The following CACNA2D3 variants were observed in gnomAD, a reference collection of about 807,000 sequenced individuals.
The protein encoded by CACNA2D3 is voltage-dependent calcium channel subunit alpha-2/delta-3.
CACNA2D3 carries 60 observed loss-of-function variants against 160.6 expected under a neutral mutation model. That is an observed-to-expected ratio of 0.37 (90% CI 0.30 to 0.46). The LOEUF (loss-of-function observed/expected upper bound fraction) is 0.46. Among genes scored for constraint, CACNA2D3 ranks in the 20% least tolerant of loss-of-function variants. The pLI, the probability that CACNA2D3 is intolerant of heterozygous loss-of-function variation, is 1.00. For missense variants in CACNA2D3, 1,205 were observed against 1,365.0 expected (o/e 0.88, Z 1.85); for synonymous variants, 558 against 492.9 (o/e 1.13, Z -1.75).
At chr3:54,599,668 C>A (rs537347211) in intron 9 of CACNA2D3, among the ~76,000 whole-genome samples, 109 of 152,298 alleles carry the variant, frequency 7.2e-4, no homozygotes, top group Non-Finnish European at 1.3e-3. Context: ...CAGATTATCC[C>A]ATCAATGCGG....
At chr3:54,683,702 G>A (rs189606652) in intron 11 of CACNA2D3, among the ~76,000 whole-genome samples, 36 of 152,210 alleles carry the variant, frequency 2.4e-4, no homozygotes, top group African/African-American at 8.2e-4. Context: ...GGGATGCCTT[G>A]TATCACAAAC....
At chr3:54,730,781 G>C (rs1206350194) in intron 11 of CACNA2D3, among the ~76,000 whole-genome samples, 1 of 152,170 alleles carries the variant, frequency 6.6e-6, no homozygotes, top group Non-Finnish European at 1.5e-5. Context: ...GGGATTACAG[G>C]AGTGAGCCAC....
At chr3:54,299,532 T>C (rs2107488063) in intron 2 of CACNA2D3, among the ~76,000 whole-genome samples, 1 of 152,280 alleles carries the variant, frequency 6.6e-6, no homozygotes, top group South Asian at 2.1e-4. Flanking sequence ...TTATGAAAGA[T>C]GAATGGATTA....
intron 4 of CACNA2D3, among the ~76,000 whole-genome samples, chr3:54,474,660 G>A (rs1187455289): frequency 6.6e-6 from 1 of 152,024 alleles, no homozygotes; most frequent in Non-Finnish European, 1.5e-5. Context: ...GATTAAGAGA[G>A]AGAGAAATAA....
intron 11 of CACNA2D3, among the ~76,000 whole-genome samples, chr3:54,644,109 G>T (rs756743485): frequency 6.6e-6 from 1 of 152,182 alleles, no homozygotes; most frequent in East Asian, 1.9e-4. Context: ...TAAATGCCCT[G>T]TCCTTACTTG....
At chr3:55,070,477 C>T (rs1704777854) in intron 35 of CACNA2D3, among the ~76,000 whole-genome samples, 1 of 152,106 alleles carries the variant, frequency 6.6e-6, no homozygotes, top group East Asian at 1.9e-4. Flanking sequence ...TTGCCAACCT[C>T]CAGGAAGGGC....
At chr3:54,215,952 A>G (rs551723902) in intron 2 of CACNA2D3, among the ~76,000 whole-genome samples, 177 of 151,516 alleles carry the variant, frequency 1.2e-3, no homozygotes, top group Non-Finnish European at 1.3e-3. Context: ...GAAGGTATGC[A>G]TGTGTATGTG....
At chr3:54,695,441 T>C (rs1559551838) in intron 11 of CACNA2D3, among the ~76,000 whole-genome samples, 1 of 151,992 alleles carries the variant, frequency 6.6e-6, no homozygotes. Context: ...AAGTTGTTTC[T>C]AGGATGCATA....
chr3:54,279,740 G>A (rs538616689), intron 2 of CACNA2D3, among the ~76,000 whole-genome samples: 2 of 152,242 alleles, frequency 1.3e-5, no homozygotes, highest in East Asian at 3.9e-4. Flanking sequence ...AGCATCTTGT[G>A]CACAGAGCTG....
At chr3:54,440,955 A>G (rs1279041332) in intron 4 of CACNA2D3, among the ~76,000 whole-genome samples, 4 of 152,176 alleles carry the variant, frequency 2.6e-5, no homozygotes, top group African/African-American at 9.7e-5. Context: ...ATACGTGTGC[A>G]TGTGTCTTTA....
intron 13 of CACNA2D3, among the ~76,000 whole-genome samples, chr3:54,786,372 C>G (rs1702641662): frequency 1.3e-5 from 2 of 152,170 alleles, no homozygotes; most frequent in Admixed American, 6.5e-5. Context: ...TGATTTTACT[C>G]TTGTTATAGT....
intron 13 of CACNA2D3, among the ~76,000 whole-genome samples, chr3:54,785,604 A>G (rs1216436861): frequency 6.6e-6 from 1 of 152,220 alleles, no homozygotes; most frequent in African/African-American, 2.4e-5. Context: ...AGCAAAATAC[A>G]TGAATTATTT....
At chr3:54,387,025 G>T (rs1162908054) in intron 4 of CACNA2D3, among the ~76,000 whole-genome samples, 8 of 152,114 alleles carry the variant, frequency 5.3e-5, no homozygotes, top group Admixed American at 1.3e-4. Context: ...CCCCAATTTA[G>T]GGGGAGTTAA....
At chr3:54,908,729 A>G (rs1308185457) in intron 27 of CACNA2D3, among the ~76,000 whole-genome samples, 1 of 152,182 alleles carries the variant, frequency 6.6e-6, no homozygotes, top group Non-Finnish European at 1.5e-5. Flanking sequence ...AACAAAAGAG[A>G]AAAAGCAAAA....
chr3:54,918,623 T>A, intron 27 of CACNA2D3: 1 of 1,614,100 alleles, frequency 6.2e-7, no homozygotes, highest in African/African-American at 1.3e-5. Context: ...ACAACGCCAG[T>A]GATGATGACA....
intron 2 of CACNA2D3, among the ~76,000 whole-genome samples, chr3:54,184,531 C>T (rs191220237): frequency 1.3e-5 from 2 of 152,324 alleles, no homozygotes; most frequent in East Asian, 3.9e-4. Context: ...GGACATTTGT[C>T]TCCCCAATCC....
At chr3:54,661,100 G>A (rs1473110735) in intron 11 of CACNA2D3, among the ~76,000 whole-genome samples, 2 of 152,176 alleles carry the variant, frequency 1.3e-5, no homozygotes, top group East Asian at 3.9e-4. Context: ...GATGTCGAGG[G>A]AGGATTAGCC....
intron 3 of CACNA2D3, among the ~76,000 whole-genome samples, chr3:54,380,227 T>A (rs554734931): frequency 6.6e-6 from 1 of 152,244 alleles, no homozygotes; most frequent in East Asian, 1.9e-4. Context: ...TTTGATGTGC[T>A]CAGTGCCCTT....
chr3:54,734,096 AGGATTTGTGTCT>A (rs1209284057), intron 11 of CACNA2D3, among the ~76,000 whole-genome samples: 1 of 151,736 alleles, frequency 6.6e-6, no homozygotes, highest in East Asian at 1.9e-4. Flanking sequence ...TTTTTAAAAG[AGGATTTGTGTCT>A]GGCGAAACTG....
Sources: gnomAD v4.1 joint callset for allele counts (sites outside exome capture counted in the v4.1 genomes callset) on GRCh38, gnomAD v4.1.1 for gene constraint, MANE v1.5 for transcripts, NCBI Gene and HGNC (gene_info 2026-07-23, HGNC 2026-07-21) for gene names.